The following TSPAN18 variants were observed in gnomAD, a reference collection of about 807,000 sequenced individuals.
TSPAN18 encodes tetraspanin 18.
A neutral mutation model predicts 27.3 loss-of-function variants in TSPAN18; 14 were observed. The ratio of observed to expected loss-of-function variants is 0.51; its 90% confidence interval spans 0.34 to 0.80. The LOEUF is 0.80. Among genes scored for constraint, TSPAN18 ranks in the 30% least tolerant of loss-of-function variants. TSPAN18 has a pLI of 0.01. For synonymous variants in TSPAN18, 143 were observed against 136.5 expected (o/e 1.05, Z -0.33); for missense variants, 268 against 323.9 (o/e 0.83, Z 1.32).
At chr11:44,781,933 A>T (rs1023806910) in intron 2 of TSPAN18, among the ~76,000 whole-genome samples, 8 of 152,194 alleles carry the variant, frequency 5.3e-5, no homozygotes, top group Non-Finnish European at 8.8e-5. Flanking sequence ...CTATAAATGG[A>T]ATCCTACAGT....
rs557294251 is a variant in TSPAN18, at chr11:44,762,671, C to A, written c.-239-1755C>A. ...TGTGTTTATGGGTTTATAAATGTAA[C>A]AAATTCCTCTGATTGTAGCCTTAGT... On this transcript the variant is annotated intron_variant, in intron 1 of 9. Transcript: ENST00000520358. Among the ~76,000 whole-genome samples the A allele has an allele frequency of 1.6e-4, 25 of 152,040 alleles. 1 individual carries two copies. Among genetic ancestry groups the A allele is most frequent in the Non-Finnish European group, 2.8e-4 (19 of 67,998 alleles).
intron 3 of TSPAN18, among the ~76,000 whole-genome samples, chr11:44,892,007 T>C (rs1858866604): frequency 6.6e-6 from 1 of 152,174 alleles, no homozygotes; most frequent in Non-Finnish European, 1.5e-5. Flanking sequence ...GTGGATGCTC[T>C]CTGAACCCCA....
intron 2 of TSPAN18, among the ~76,000 whole-genome samples, chr11:44,823,339 A>T (rs1311437015): frequency 6.6e-6 from 1 of 152,192 alleles, no homozygotes; most frequent in African/African-American, 2.4e-5. Flanking sequence ...GAAGAATTTT[A>T]TTGAACAATG....
intron 3 of TSPAN18, among the ~76,000 whole-genome samples, chr11:44,861,367 G>T (rs1389871310): frequency 1.3e-5 from 2 of 150,622 alleles, no homozygotes; most frequent in Non-Finnish European, 3.0e-5. Flanking sequence ...TGGGTCAGTT[G>T]GTCGGGGGGC....
At chr11:44,825,714 G>A (rs538960986) in intron 2 of TSPAN18, among the ~76,000 whole-genome samples, 49 of 152,298 alleles carry the variant, frequency 3.2e-4, no homozygotes, top group African/African-American at 6.5e-4. Context: ...ATGTTGAAGC[G>A]GGGGTTGGCT....
intron 2 of TSPAN18, among the ~76,000 whole-genome samples, chr11:44,772,562 TG>T (rs1855712032): frequency 6.6e-6 from 1 of 152,250 alleles, no homozygotes; most frequent in South Asian, 2.1e-4. Context: ...GAGTAGTATT[TG>T]CTTATATACT....
chr11:44,867,802 CAG>C (rs1359731322), intron 3 of TSPAN18, among the ~76,000 whole-genome samples: 2 of 152,114 alleles, frequency 1.3e-5, no homozygotes, highest in Non-Finnish European at 2.9e-5. Context: ...TGGGGCATGA[CAG>C]AGCAGAAGCA....
At chr11:44,905,685 A>G (rs553877493) in intron 3 of TSPAN18, among the ~76,000 whole-genome samples, 165 of 152,330 alleles carry the variant, frequency 1.1e-3, no homozygotes, top group Non-Finnish European at 2.0e-3. Flanking sequence ...TGCTCAATCA[A>G]TGTTGGCTGA....
At chr11:44,788,125 T>G (rs1295661428) in intron 2 of TSPAN18, among the ~76,000 whole-genome samples, 3 of 152,200 alleles carry the variant, frequency 2.0e-5, no homozygotes, top group Admixed American at 2.0e-4. Context: ...CCCAGGAACC[T>G]TCGGTACACA....
chr11:44,864,405 A>G (rs1857980955), intron 3 of TSPAN18, among the ~76,000 whole-genome samples: 1 of 152,038 alleles, frequency 6.6e-6, no homozygotes, highest in Non-Finnish European at 1.5e-5. Context: ...TCATTCACCA[A>G]CACTTCATTG....
intron 5 of TSPAN18, among the ~76,000 whole-genome samples, chr11:44,912,446 G>A (rs974461672): frequency 1.8e-4 from 27 of 151,706 alleles, no homozygotes; most frequent in African/African-American, 4.6e-4. Flanking sequence ...CTAGGGCCCC[G>A]CCCACACAAG....
rs369649131 is a variant in TSPAN18 at position 44,911,979 on chromosome 11, C to T, written c.258+2080C>T. On this transcript the variant is annotated intron_variant, in intron 5 of 9. Transcript: ENST00000520358. ...CTTTGTCCCCCTTCTTTCTGCCTATCTCTGTGTAGCTCCCTTTCCTCTCTG... is the reference window on the plus strand; with the variant it reads ...CTTTGTCCCCCTTCTTTCTGCCTATTTCTGTGTAGCTCCCTTTCCTCTCTG... Among the ~76,000 whole-genome samples, 31 of 123,326 alleles carry T rather than the reference C, an allele frequency of 2.5e-4. 2 individuals carry two copies. The East Asian group carries it at 2.5e-3, about 10-fold the overall frequency. 80.9% of individuals were successfully genotyped at this position (123,326 alleles called of 152,430 possible). A position where few individuals can be genotyped will look rare whatever the true frequency, so the allele number is the denominator to read the frequency against.
intron 5 of TSPAN18, among the ~76,000 whole-genome samples, chr11:44,915,900 G>C (rs570504612): frequency 6.6e-6 from 1 of 152,340 alleles, no homozygotes; most frequent in South Asian, 2.1e-4. Flanking sequence ...GCAGAAGCCT[G>C]TGTCGGAGCA....
chr11:44,830,966 G>A (rs545100827), intron 2 of TSPAN18, among the ~76,000 whole-genome samples: 14 of 152,176 alleles, frequency 9.2e-5, no homozygotes, highest in African/African-American at 2.6e-4. Flanking sequence ...CCACTGTGCC[G>A]GCCGGGCACA....
intron 4 of TSPAN18, among the ~76,000 whole-genome samples, chr11:44,908,007 A>T (rs908362810): frequency 1.0e-4 from 15 of 147,746 alleles, no homozygotes; most frequent in Admixed American, 6.9e-5. Flanking sequence ...GTGAGCCGAG[A>T]TCGTGCCACT....
chr11:44,825,218 G>C (rs954613605), intron 2 of TSPAN18, among the ~76,000 whole-genome samples: 27 of 152,052 alleles, frequency 1.8e-4, no homozygotes, highest in Non-Finnish European at 1.5e-5. Context: ...TGAAGGACAC[G>C]TAGAAGGCAA....
chr11:44,840,402 G>C (rs1185348427), intron 2 of TSPAN18, among the ~76,000 whole-genome samples: 1 of 152,162 alleles, frequency 6.6e-6, no homozygotes, highest in Non-Finnish European at 1.5e-5. Context: ...ACTTTGTAAA[G>C]GATAAAGCTG....
At chr11:44,837,600 G>A (rs1385343898) in intron 2 of TSPAN18, among the ~76,000 whole-genome samples, 1 of 152,232 alleles carries the variant, frequency 6.6e-6, no homozygotes, top group Non-Finnish European at 1.5e-5. Context: ...CAAACAGCAT[G>A]ATATGCTACA....
rs1278735507 is a variant in TSPAN18, at chr11:44,727,119, G to A, written c.-408G>A. On this transcript the variant is annotated 5_prime_UTR_variant, in exon 1 of 10. Transcript: ENST00000520358. ...CGGCCCCGGCCCCGGTCCCGGCCCC[G>A]AGCCCCGAGCGAGCGCCGCCGCCTC... The A allele has an allele frequency of 2.0e-5, 3 of 147,126 alleles. No individual in the cohort carries two copies. Among genetic ancestry groups the A allele is most frequent in the Admixed American group, 2.0e-4 (3 of 14,772 alleles). The allele number at this position is 147,126 out of a possible 1,614,324, so 9.1% of individuals were successfully genotyped here. A position where few individuals can be genotyped will look rare whatever the true frequency, so the allele number is the denominator to read the frequency against.
Sources: allele counts gnomAD v4.1 joint callset (sites outside exome capture counted in the v4.1 genomes callset), GRCh38; gene constraint gnomAD v4.1.1; transcripts MANE v1.5; gene names NCBI Gene and HGNC (gene_info 2026-07-23, HGNC 2026-07-21).